Variants in HS6ST1 observed in about 807,000 individuals in gnomAD.
HS6ST1 encodes heparan sulfate 6-O-sulfotransferase 1.
Under a neutral mutation model 25.2 loss-of-function variants are expected in HS6ST1, and 3 were observed. That is an observed-to-expected ratio of 0.12 (90% CI 0.05 to 0.31). The LOEUF (loss-of-function observed/expected upper bound fraction) is 0.31. HS6ST1 is among the 10% of genes least tolerant of loss of function. HS6ST1 has a pLI of 1.00. For synonymous variants in HS6ST1, 204 were observed against 275.1 expected (o/e 0.74, Z 2.56); for missense variants, 310 against 609.6 (o/e 0.51, Z 5.18).
Position 128,318,543 on chromosome 2 carries a change from G to C in HS6ST1, c.21C>G (p.Gly7=). 6.7e-7 allele frequency: 1 copy of C among 1,494,182 alleles called. No individual in the cohort carries two copies. The highest frequency in any genetic ancestry group is 8.9e-7 in the Non-Finnish European group (1 of 1,129,878). The allele number at this position is 1,494,182 out of a possible 1,614,324, so 92.6% of individuals were successfully genotyped here. The part of the protein sequence containing the change: MRRRRA[G]GRTMVERASK... Reference sequence around the variant, plus strand: ...TGGCGCGCTCAACCATGGTCCTGCCGCCGGCGCGCCGCCGCCGCATGTGTC... The same window carrying C: ...TGGCGCGCTCAACCATGGTCCTGCCCCCGGCGCGCCGCCGCCGCATGTGTC... The change falls in exon 1 of 2, where the codon GGC becomes GGG. Residue 7 remains glycine, a synonymous_variant. Transcript: ENST00000259241. The surrounding 1 kb of genome is among the most constrained non-coding windows in gnomAD (Gnocchi z 5.7).
chr2:128,272,712 C>T (rs1238356205), intron 1 of HS6ST1, among the ~76,000 whole-genome samples: 4 of 151,966 alleles, frequency 2.6e-5, no homozygotes, highest in Admixed American at 6.6e-5. Context: ...ATTGAAATGA[C>T]TCGGGTTTTT....
chr2:128,307,905 A>G (rs1319772804), intron 1 of HS6ST1, among the ~76,000 whole-genome samples: 1 of 152,204 alleles, frequency 6.6e-6, no homozygotes, highest in Non-Finnish European at 1.5e-5. Flanking sequence ...TGCTCCCCGC[A>G]GCTGCATTAG....
At chr2:128,293,123 C>G (rs1451002733) in intron 1 of HS6ST1, among the ~76,000 whole-genome samples, 4 of 152,166 alleles carry the variant, frequency 2.6e-5, no homozygotes, top group African/African-American at 9.7e-5. Context: ...AAAGGCTGGG[C>G]CTTGCTCTGC....
At chr2:128,276,431 C>T (rs1001499855) in intron 1 of HS6ST1, among the ~76,000 whole-genome samples, 5 of 152,138 alleles carry the variant, frequency 3.3e-5, no homozygotes, top group Admixed American at 2.0e-4. Context: ...CCACTGAGCC[C>T]GGCCTGTTTT....
Position 128,268,071 on chromosome 2 carries a change from C to G in HS6ST1, c.*91G>C, listed in dbSNP as rs1183941004. The G allele has an allele frequency of 2.2e-6, 2 of 907,440 alleles. No individual in the cohort carries two copies. Among genetic ancestry groups the G allele is most frequent in the Non-Finnish European group, 3.4e-6 (2 of 579,894 alleles). 56.2% of individuals were successfully genotyped at this position (907,440 alleles called of 1,614,324 possible). The stretch of plus-strand genomic sequence containing the variant: ...ACCTCTGTGGAGCAGGTTTGGGATG[C>G]TCATCCCTTGACAGTCTTGGGTGGA... On this transcript the variant is annotated 3_prime_UTR_variant, in exon 2 of 2. Coordinates refer to ENST00000259241, the MANE Select transcript of HS6ST1 (RefSeq NM_004807.3).
Position 128,268,371 on chromosome 2 carries a change from G to T in HS6ST1, c.1027C>A (p.Leu343Met). 1 of 1,613,684 alleles carries T rather than the reference G, an allele frequency of 6.2e-7. No individual in the cohort carries two copies. The highest frequency in any genetic ancestry group is 8.5e-7 in the Non-Finnish European group (1 of 1,179,876). Residue 343 changes from leucine (L) to methionine (M), a missense_variant, in exon 2 of 2, where the codon CTG (leucine) becomes ATG (methionine). Leu to Met is a conservative substitution (Grantham distance 15). Transcript: ENST00000259241. Reference protein sequence around the residue: ...TIRRIEELNDLDMQLYDYAKD... With the variant: ...TIRRIEELNDMDMQLYDYAKD... Reference sequence around the variant, plus strand: ...GCGTAGTCGTACAGCTGCATGTCCAGGTCGTTGAGCTCCTCGATGCGCCGG... The same window carrying T: ...GCGTAGTCGTACAGCTGCATGTCCATGTCGTTGAGCTCCTCGATGCGCCGG...
intron 1 of HS6ST1, among the ~76,000 whole-genome samples, chr2:128,300,649 G>C (rs1370682617): frequency 6.6e-6 from 1 of 152,196 alleles, no homozygotes; most frequent in Non-Finnish European, 1.5e-5. Context: ...CTAAGGGCAG[G>C]GTGGGCGGAC....
intron 1 of HS6ST1, among the ~76,000 whole-genome samples, chr2:128,306,335 T>C (rs1694208852): frequency 6.6e-6 from 1 of 152,132 alleles, no homozygotes; most frequent in African/African-American, 2.4e-5. Context: ...CCAGGGAATG[T>C]GGACCAGGAT....
At chr2:128,313,701 A>G (rs1260554098) in intron 1 of HS6ST1, among the ~76,000 whole-genome samples, 1 of 152,148 alleles carries the variant, frequency 6.6e-6, no homozygotes, top group African/African-American at 2.4e-5. Context: ...CTGAGAAAGA[A>G]ACCTGGATTC....
intron 1 of HS6ST1, among the ~76,000 whole-genome samples, chr2:128,275,112 T>C (rs980726855): frequency 4.6e-5 from 7 of 151,494 alleles, no homozygotes; most frequent in African/African-American, 1.2e-4. Context: ...TCCATGAAGA[T>C]AGAAAATAAA....
At chr2:128,284,487 G>C (rs1317452510) in intron 1 of HS6ST1, among the ~76,000 whole-genome samples, 1 of 129,380 alleles carries the variant, frequency 7.7e-6, no homozygotes, top group East Asian at 2.7e-4. Flanking sequence ...CCATACTGTG[G>C]AGGTGACATC....
rs560629745 is a variant in HS6ST1, at chr2:128,316,279, C to T, written c.527+1758G>A. The stretch of plus-strand genomic sequence containing the variant: ...GCTGAGGTGGCCTCTGCTGAGCAGG[C>T]TTGTTTCAAAAGCTCCGGCTTCTTG... On this transcript the variant is annotated intron_variant, in intron 1 of 1. Coordinates refer to ENST00000259241, the MANE Select transcript of HS6ST1 (RefSeq NM_004807.3). Among the ~76,000 whole-genome samples the T allele has an allele frequency of 3.3e-5, 5 of 152,370 alleles. No homozygotes were observed. In the South Asian group the frequency reaches 1.0e-3, roughly 32 times the overall value.
chr2:128,269,111 C>T (rs967733524), intron 1 of HS6ST1, among the ~76,000 whole-genome samples: 1 of 152,240 alleles, frequency 6.6e-6, no homozygotes, highest in African/African-American at 2.4e-5. Context: ...GGCCTGGCTC[C>T]TCTGGAGGGA....
chr2:128,314,596 C>T (rs566092445), intron 1 of HS6ST1, among the ~76,000 whole-genome samples: 5 of 152,304 alleles, frequency 3.3e-5, no homozygotes, highest in Non-Finnish European at 5.9e-5. Context: ...CAGCACCAGG[C>T]GGATTTCTGG....
rs772728879 is a variant in HS6ST1 at position 128,318,504 on chromosome 2, C to T, written c.60G>A (p.Leu20=). ...TGAAGCACACCGAGCCCGCCACCAC[C>T]AGCACGAACTTGCTGGCGCGCTCAA... ...TMVERASKFV[L]VVAGSVCFML... Residue 20 remains leucine (L), a synonymous_variant, in exon 1 of 2, where the codon CTG becomes CTA. Coordinates refer to ENST00000259241, the MANE Select transcript of HS6ST1 (RefSeq NM_004807.3). This position sits in a 1 kb window ranked among gnomAD's most constrained non-coding sequence, Gnocchi z 5.7. The T allele has an allele frequency of 9.9e-4, 1,520 of 1,542,548 alleles. 8 individuals are homozygous for T. The highest frequency in any genetic ancestry group is 6.5e-4 in the Non-Finnish European group (748 of 1,148,280).
Position 128,318,213 on chromosome 2 carries a change from G to A in HS6ST1, c.351C>T (p.Asp117=). 2.6e-6 allele frequency: 4 copies of A among 1,537,858 alleles called. No individual in the cohort carries two copies. Among genetic ancestry groups the A allele is most frequent in the South Asian group, 1.2e-5 (1 of 86,864 alleles). The change falls in exon 1 of 2, where the codon GAC becomes GAT. Residue 117 remains aspartate, a synonymous_variant. Transcript: ENST00000259241. This position sits in a 1 kb window ranked among gnomAD's most constrained non-coding sequence, Gnocchi z 5.7. The part of the protein sequence containing the change: ...VQNVRLEVPC[D]CRPGQKKCTC... ...TGCACTTCTTCTGGCCGGGCCGGCA[G>A]TCGCACGGCACCTCGAGGCGTACGT...
intron 1 of HS6ST1, among the ~76,000 whole-genome samples, chr2:128,277,827 G>A (rs1302713717): frequency 2.0e-5 from 3 of 152,252 alleles, no homozygotes. Flanking sequence ...TAGTCTGCAC[G>A]AACTGCAGCT....
intron 1 of HS6ST1, among the ~76,000 whole-genome samples, chr2:128,293,915 C>T (rs1693996059): frequency 6.6e-6 from 1 of 152,180 alleles, no homozygotes; most frequent in Non-Finnish European, 1.5e-5. Flanking sequence ...CAGAAGCTGA[C>T]CCAGTCCTGC....
At chr2:128,276,923 A>G (rs1475769858) in intron 1 of HS6ST1, among the ~76,000 whole-genome samples, 1 of 152,114 alleles carries the variant, frequency 6.6e-6, no homozygotes, top group African/African-American at 2.4e-5. Flanking sequence ...AAAGGGGTGG[A>G]GGGCCCCTGT....
Sources: gnomAD v4.1 joint callset for allele counts (sites outside exome capture counted in the v4.1 genomes callset) on GRCh38, gnomAD v4.1.1 for gene constraint, Gnocchi (gnomAD v3.1) non-coding constraint, MANE v1.5 for transcripts, NCBI Gene and HGNC (gene_info 2026-07-23, HGNC 2026-07-21) for gene names.